INTS6: variants seen among roughly 807,000 people sequenced by gnomAD.
INTS6 encodes DEAD box protein.
A neutral mutation model predicts 104.9 loss-of-function variants in INTS6; 16 were observed. That is an observed-to-expected ratio of 0.15 (90% CI 0.10 to 0.23). INTS6 has a LOEUF of 0.23. INTS6 is among the 10% of genes least tolerant of loss of function. The pLI is 1.00. For synonymous variants in INTS6, 324 were observed against 358.7 expected, an observed-to-expected ratio of 0.90 and a Z score of 1.09; for missense variants, 584 against 1,062.8, an observed-to-expected ratio of 0.55 and a Z score of 6.26.
the INTS6 span, among the ~76,000 whole-genome samples, chr13:51,349,049 C>T: frequency 6.6e-6 from 1 of 152,178 alleles, no homozygotes; most frequent in Non-Finnish European, 1.5e-5. Context: ...ATTAGCAAAA[C>T]TCATAACTTT....
At chr13:51,394,084 T>G (rs1166950303) in intron 5 of INTS6, among the ~76,000 whole-genome samples, 1 of 150,488 alleles carries the variant, frequency 6.6e-6, no homozygotes, top group African/African-American at 2.4e-5. Flanking sequence ...AGCTGGAAAC[T>G]AAAATTTCAT....
At chr13:51,428,571 G>A (rs1395947323) in intron 4 of INTS6, among the ~76,000 whole-genome samples, 2 of 151,934 alleles carry the variant, frequency 1.3e-5, no homozygotes, top group Admixed American at 6.6e-5. Flanking sequence ...ATGTCTGCCC[G>A]CCTCAGCCTC....
the INTS6 span, among the ~76,000 whole-genome samples, chr13:51,343,902 C>A: frequency 6.6e-6 from 1 of 152,190 alleles, no homozygotes; most frequent in Non-Finnish European, 1.5e-5. Context: ...GTTTTCCCAG[C>A]CCTAGAATCT....
At chr13:51,381,017 A>G (rs926494450) in intron 10 of INTS6, among the ~76,000 whole-genome samples, 8 of 152,190 alleles carry the variant, frequency 5.3e-5, no homozygotes, top group Non-Finnish European at 2.9e-5. Context: ...GGAAAAAAAA[A>G]TGGATCGTTG....
chr13:51,452,543 C>T lies in INTS6; in HGVS notation c.-18G>A. 1 of 1,608,480 alleles carries T rather than the reference C, an allele frequency of 6.2e-7. No individual in the cohort carries two copies. The highest frequency in any genetic ancestry group is 8.5e-7 in the Non-Finnish European group (1 of 1,176,644). On this transcript the variant is annotated 5_prime_UTR_variant, in exon 1 of 18. It adds an upstream start codon to the 5' untranslated region. Coordinates refer to ENST00000311234, the MANE Select transcript of INTS6 (RefSeq NM_012141.3). The surrounding 1 kb of genome is among the most constrained non-coding windows in gnomAD (Gnocchi z 4.2). ...ATGGGCATAGTGCTGGCCGGGGACA[C>T]CGGGGCCCGAGGTGGTGGAGAAAGA...
downstream of INTS6, among the ~76,000 whole-genome samples, chr13:51,360,166 A>G (rs1319657319): frequency 6.6e-6 from 1 of 152,092 alleles, no homozygotes; most frequent in African/African-American, 2.4e-5. Context: ...ACAAACACAA[A>G]CCAATTTAAG....
rs115198329 is a variant in INTS6, at chr13:51,371,416, T to C, written c.2105-2106A>G. ...TCTACTTTCTTCCTCCTATTAACCA[T>C]ATCCCTTCTAAGTAGCCAATTCTGT... On this transcript the variant is annotated intron_variant, in intron 15 of 17. Transcript: ENST00000311234. Among the ~76,000 whole-genome samples, 734 of 152,286 alleles carry C rather than the reference T, an allele frequency of 4.8e-3. 7 individuals carry two copies. Among genetic ancestry groups the C allele is most frequent in the African/African-American group, 0.016 (652 of 41,570 alleles).
rs1187094500 is a variant in INTS6, at chr13:51,374,062, A to G, written c.2104+146T>C. 4.9e-6 allele frequency: 3 copies of G among 608,950 alleles called. No homozygotes were observed. In the East Asian group the frequency reaches 8.3e-5, roughly 17 times the overall value. The allele number at this position is 608,950 out of a possible 1,614,324, so 37.7% of individuals were successfully genotyped here. ...ATTAAAAAGACATACAAAAATGATT[A>G]CATGCTCATTTAAACAAATTTTCTA... On this transcript the variant is annotated intron_variant, in intron 15 of 17. Transcript: ENST00000311234.
chr13:51,421,345 A>G (rs546918272), intron 4 of INTS6: 1 of 956,114 alleles, frequency 1.0e-6, no homozygotes, highest in East Asian at 1.2e-4. Context: ...CTGAAAGGAA[A>G]AAAAACATCA....
chr13:51,374,088 T>C (rs947733960), intron 15 of INTS6, 120 bp downstream of exon 15: 2 of 704,150 alleles, frequency 2.8e-6, no homozygotes, highest in East Asian at 2.7e-5. Flanking sequence ...AAATTTTCTA[T>C]ACATTCATTC....
At chr13:51,379,650 T>C in intron 10 of INTS6, 78 bp from the exon 11 acceptor site, 1 of 715,554 alleles carries the variant, frequency 1.4e-6, no homozygotes, top group Non-Finnish European at 2.2e-6. Context: ...TGTCTTAAAA[T>C]TTTCTCCAAA....
chr13:51,374,519 G>C, intron 14 of INTS6, 80 bp from the exon 15 acceptor site: 2 of 1,514,760 alleles, frequency 1.3e-6, no homozygotes, highest in Non-Finnish European at 1.8e-6. Context: ...TCCAATGAAG[G>C]TAACTATATT....
intron 7 of INTS6, 106 bp from the exon 8 acceptor site, chr13:51,383,847 A>T: frequency 1.1e-6 from 1 of 904,346 alleles, no homozygotes; most frequent in South Asian, 2.2e-5. Context: ...TGCTAGTAAG[A>T]GTTTGATTTA....
chr13:51,355,159 C>T, intron 3 of INTS6: 6 of 1,308,398 alleles, frequency 4.6e-6, no homozygotes, highest in Non-Finnish European at 6.5e-6. Flanking sequence ...AACGGTTCTT[C>T]TTCCAAACGT....
At chr13:51,355,141 C>T (rs970716424) in intron 3 of INTS6, 1 of 1,483,862 alleles carries the variant, frequency 6.7e-7, no homozygotes, top group Non-Finnish European at 9.2e-7. Flanking sequence ...AAAGGAATTT[C>T]AGGTAAAAAC....
chr13:51,335,137 G>C, the INTS6 span, among the ~76,000 whole-genome samples: 3 of 152,132 alleles, frequency 2.0e-5, 1 homozygote, highest in East Asian at 5.8e-4. Context: ...CTACACATCA[G>C]TGGCAAAGAA....
chr13:51,433,901 C>T (rs1051573892), intron 3 of INTS6, among the ~76,000 whole-genome samples: 1 of 152,092 alleles, frequency 6.6e-6, no homozygotes, highest in Non-Finnish European at 1.5e-5. Context: ...TCTCATTTGA[C>T]CCTAAAAAAA....
Position 51,434,880 on chromosome 13 carries a change from C to G in INTS6, c.340-4497G>C, listed in dbSNP as rs374923862. Among the ~76,000 whole-genome samples the G allele has an allele frequency of 2.1e-4, 32 of 152,140 alleles. No homozygotes were observed. In the East Asian group the frequency reaches 6.0e-3, roughly 28 times the overall value. On this transcript the variant is annotated intron_variant, in intron 3 of 17. Transcript: ENST00000311234. ...GTTTTACAAAAAAATAAAGTTTTAA[C>G]ACCTCCAAAGTCTAAATGAGAGTTA... is the stretch of plus-strand genomic sequence containing the variant.
intron 4 of INTS6, among the ~76,000 whole-genome samples, chr13:51,406,429 T>A (rs1057217135): frequency 6.7e-6 from 1 of 149,348 alleles, no homozygotes; most frequent in Admixed American, 6.7e-5. Flanking sequence ...GAATAATGGA[T>A]AACCACCTCC....
Sources: gnomAD v4.1 joint callset for allele counts (sites outside exome capture counted in the v4.1 genomes callset) on GRCh38, gnomAD v4.1.1 for gene constraint, Gnocchi (gnomAD v3.1) non-coding constraint, MANE v1.5 for transcripts, NCBI Gene and HGNC (gene_info 2026-07-23, HGNC 2026-07-21) for gene names.